The following DCAF17 variants were observed in gnomAD, a reference collection of about 807,000 sequenced individuals.
DCAF17 encodes the protein DDB1 and CUL4 associated factor 17.
DCAF17 carries 48 observed loss-of-function variants against 66.0 expected under a neutral mutation model. The ratio of observed to expected loss-of-function variants is 0.73; its 90% CI spans 0.58 to 0.92. The LOEUF is 0.92. Among genes scored for constraint, DCAF17 ranks in the 40% least tolerant of loss-of-function variants. The pLI is 0.00. For missense variants in DCAF17, 562 were observed against 622.8 expected (o/e 0.90, Z 1.04); for synonymous variants, 206 against 214.6 (o/e 0.96, Z 0.35).
chr2:171,480,107 G>C lies in DCAF17; in HGVS notation c.1336G>C (p.Ala446Pro). 6.2e-7 allele frequency: 1 copy of C among 1,613,838 alleles called. No homozygotes were observed. The highest frequency in any genetic ancestry group is 8.5e-7 in the Non-Finnish European group (1 of 1,179,798). Residue 446 changes from alanine (A) to proline (P), a missense_variant, in exon 13 of 14, where the codon GCT (alanine) becomes CCT (proline). Around this residue, in one of 3 missense-constraint regions of DCAF17, gnomAD observed 201 missense variants for 231.1 expected, o/e 0.87. Transcript: ENST00000375255. Reference protein sequence around the residue: ...LSVVAVTQIDAEGKAHLDFHC... With the variant: ...LSVVAVTQIDPEGKAHLDFHC... Reference sequence around the variant, plus strand: ...TGTGGTAGCTGTTACTCAAATAGATGCTGAAGGAAAAGCTCACCTGGATTT... The same window carrying C: ...TGTGGTAGCTGTTACTCAAATAGATCCTGAAGGAAAAGCTCACCTGGATTT...
intron 5 of DCAF17, 44 bp downstream of exon 5, chr2:171,450,001 T>C: frequency 4.1e-6 from 6 of 1,471,424 alleles, no homozygotes; most frequent in Non-Finnish European, 5.7e-6. Flanking sequence ...CTCTTTTTCA[T>C]AGGAATTTGT....
chr2:171,480,221 T>G, intron 13 of DCAF17, 28 bp downstream of exon 13: 4 of 1,610,858 alleles, frequency 2.5e-6, no homozygotes, highest in Non-Finnish European at 3.4e-6. Flanking sequence ...GATACAAAGT[T>G]GTAAACCTTT....
chr2:171,468,194 T>C (rs1696035750), intron 8 of DCAF17, among the ~76,000 whole-genome samples: 1 of 152,044 alleles, frequency 6.6e-6, no homozygotes, highest in African/African-American at 2.4e-5. Context: ...TGGTGCTTTT[T>C]AGCACCAAGA....
At chr2:171,443,422 C>T in intron 2 of DCAF17, 101 bp from the exon 3 acceptor site, 1 of 871,114 alleles carries the variant, frequency 1.1e-6, no homozygotes, top group Non-Finnish European at 1.8e-6. Flanking sequence ...TAAATTGTGC[C>T]TTGGTATTTC....
chr2:171,448,330 A>T (rs1310676492), intron 3 of DCAF17, among the ~76,000 whole-genome samples: 2 of 152,016 alleles, frequency 1.3e-5, no homozygotes, highest in Non-Finnish European at 2.9e-5. Context: ...TATATACATG[A>T]TTTTAAGAGC....
Position 171,434,708 on chromosome 2 carries a change from C to T in DCAF17, c.126+5C>T, listed in dbSNP as rs1197954766. 2 of 1,463,432 alleles carry T rather than the reference C, an allele frequency of 1.4e-6. No individual in the cohort carries two copies. Among genetic ancestry groups the T allele is most frequent in the African/African-American group, 1.5e-5 (1 of 67,536 alleles). 90.7% of individuals were successfully genotyped at this position (1,463,432 alleles called of 1,614,324 possible). On this transcript the variant is annotated splice_donor_5th_base_variant and intron_variant, in intron 1 of 13. Transcript: ENST00000375255. The stretch of plus-strand genomic sequence containing the variant: ...CTGCGGGCGCTGGTGTGCCAGGTGA[C>T]CGCCAGCCGGCCGGGGCGGGACGGA...
chr2:171,484,142 T>A lies in DCAF17; in HGVS notation c.*3028T>A, dbSNP rs1380329949. 2 of 450,130 alleles carry A rather than the reference T, an allele frequency of 4.4e-6. No homozygotes were observed. The highest frequency in any genetic ancestry group is 4.0e-5 in the African/African-American group (2 of 49,688). The allele number at this position is 450,130 out of a possible 1,614,324, so 27.9% of individuals were successfully genotyped here. A position where few individuals can be genotyped will look rare whatever the true frequency, so the allele number is the denominator to read the frequency against. ...TCCCTTTGTTTGTGGTGATAATCAG[T>A]ATTAGTAGTTTTCATATTATTTGGC... On this transcript the variant is annotated 3_prime_UTR_variant, in exon 14 of 14. Transcript: ENST00000375255.
At chr2:171,459,419 A>C (rs62183502) in intron 8 of DCAF17, among the ~76,000 whole-genome samples, 30,663 of 152,198 alleles carry the variant, frequency 0.2, 3,233 homozygotes, top group South Asian at 0.28. Flanking sequence ...AGGATGGTTT[A>C]ATGTTTACAA....
intron 3 of DCAF17, among the ~76,000 whole-genome samples, chr2:171,446,471 G>C (rs900466028): frequency 6.6e-6 from 1 of 152,026 alleles, no homozygotes; most frequent in African/African-American, 2.4e-5. Flanking sequence ...GCTTGAACCT[G>C]GGAGGCAGAG....
At chr2:171,451,401 TAGTAA>T (rs1694945213) in intron 5 of DCAF17, among the ~76,000 whole-genome samples, 1 of 152,194 alleles carries the variant, frequency 6.6e-6, no homozygotes, top group Non-Finnish European at 1.5e-5. Flanking sequence ...ATCTCTCTCT[TAGTAA>T]TACTTCTCTC....
In DCAF17 at chr2:171,484,763, A is replaced by G. The variant is rs901353658; in HGVS notation, c.*3649A>G. On this transcript the variant is annotated 3_prime_UTR_variant, in exon 14 of 14. Coordinates refer to ENST00000375255, the MANE Select transcript of DCAF17 (RefSeq NM_025000.4). The stretch of plus-strand genomic sequence containing the variant: ...CCAGTCTATCCCCTCCCCACCCCTC[A>G]GGTATAACTACTGTTCTCATTCTTT... 2.6e-5 allele frequency: 12 copies of G among 453,796 alleles called. No homozygotes were observed. The highest frequency in any genetic ancestry group is 6.8e-4 in the Middle Eastern group (1 of 1,466). 28.1% of individuals were successfully genotyped at this position (453,796 alleles called of 1,614,324 possible). A position where few individuals can be genotyped will look rare whatever the true frequency, so the allele number is the denominator to read the frequency against.
At chr2:171,477,808 C>G (rs1274793733) in intron 11 of DCAF17, among the ~76,000 whole-genome samples, 179 bp from the exon 12 acceptor site, 2 of 151,926 alleles carry the variant, frequency 1.3e-5, no homozygotes, top group East Asian at 1.9e-4. Context: ...AGAATGAGAC[C>G]CTGTCTCAAA....
intron 8 of DCAF17, 134 bp downstream of exon 8, chr2:171,458,611 T>C: frequency 1.4e-6 from 1 of 702,042 alleles, no homozygotes; most frequent in Non-Finnish European, 2.4e-6. Flanking sequence ...ATACATCATG[T>C]GCCTTGCTAT....
intron 6 of DCAF17, among the ~76,000 whole-genome samples, chr2:171,453,876 C>G (rs1384631506): frequency 6.6e-6 from 1 of 152,102 alleles, no homozygotes; most frequent in South Asian, 2.1e-4. Flanking sequence ...ATCTACTGAT[C>G]TTTATAAGCA....
intron 8 of DCAF17, among the ~76,000 whole-genome samples, chr2:171,467,878 T>A (rs1051086630): frequency 2.0e-5 from 3 of 152,150 alleles, no homozygotes; most frequent in Admixed American, 1.3e-4. Flanking sequence ...CTTATGAAGA[T>A]GCTTAATAAA....
At chr2:171,439,107 A>T (rs1694142241) in intron 2 of DCAF17, among the ~76,000 whole-genome samples, 1 of 151,904 alleles carries the variant, frequency 6.6e-6, no homozygotes. Flanking sequence ...TCCCCTATAT[A>T]GTTAAGGTGC....
Position 171,443,588 on chromosome 2 carries a change from A to G in DCAF17, c.296A>G (p.Asp99Gly). Residue 99 changes from aspartate to glycine, a missense_variant, in exon 3 of 14, where the codon GAT (aspartate) becomes GGT (glycine). Around this residue, in one of 3 missense-constraint regions of DCAF17, gnomAD observed 348 missense variants for 355.9 expected, o/e 0.98. Transcript: ENST00000375255. ...PKCSKSEKIE[D>G]ALLWECPVGD... ...TGTTCCAAATCAGAAAAAATAGAGG[A>G]TGCTTTATTATGGGAATGCCCAGTG... The G allele has an allele frequency of 6.2e-7, 1 of 1,613,070 alleles. No individual in the cohort carries two copies. The highest frequency in any genetic ancestry group is 8.5e-7 in the Non-Finnish European group (1 of 1,179,420).
intron 8 of DCAF17, among the ~76,000 whole-genome samples, chr2:171,459,881 A>G (rs1296504700): frequency 6.6e-6 from 1 of 152,164 alleles, no homozygotes; most frequent in African/African-American, 2.4e-5. Flanking sequence ...CTCTAGCAAT[A>G]CCTCCTGTAT....
rs139061039 is a variant in DCAF17 at position 171,478,057 on chromosome 2, A to G, written c.1253A>G (p.Asp418Gly). Residue 418 changes from aspartate to glycine, a missense_variant, in exon 12 of 14, where the codon GAC (aspartate) becomes GGC (glycine). This residue lies in a region of DCAF17 where 201 missense variants were observed against 231.1 expected (regional missense o/e 0.87). Transcript: ENST00000375255. Reference protein sequence around the residue: ...VKKSFNLLDDDPEQETFKIVD... With the variant: ...VKKSFNLLDDGPEQETFKIVD... ...AAAAGTTTTAACCTTCTGGATGATG[A>G]CCCAGAACAAGAGGTATTGCTTTGG... The G allele has an allele frequency of 1.9e-6, 3 of 1,613,768 alleles. No individual in the cohort carries two copies. The highest frequency in any genetic ancestry group is 2.5e-6 in the Non-Finnish European group (3 of 1,179,764).
Sources: gnomAD v4.1 joint callset for allele counts (sites outside exome capture counted in the v4.1 genomes callset) on GRCh38, gnomAD v4.1.1 for gene constraint, gnomAD v4.1.1 regional missense constraint, MANE v1.5 for transcripts, NCBI Gene and HGNC (gene_info 2026-07-23, HGNC 2026-07-21) for gene names.